Variants in CDK5RAP3 observed in about 807,000 individuals in gnomAD.
CDK5RAP3 encodes the protein CDK5 regulatory subunit-associated protein 3.
A neutral mutation model predicts 73.3 loss-of-function variants in CDK5RAP3; 58 were observed. The observed-to-expected ratio is 0.79, with a 90% confidence interval of 0.64 to 0.98. The LOEUF is 0.98. CDK5RAP3 is among the 50% of genes least tolerant of loss of function. The probability of loss-of-function intolerance (pLI) is 0.00; values close to 1 mark genes in which losing one functional copy is unlikely to be tolerated. For synonymous variants in CDK5RAP3, 224 were observed against 247.5 expected, an observed-to-expected ratio of 0.91 and a Z score of 0.89; for missense variants, 525 against 615.8, an observed-to-expected ratio of 0.85 and a Z score of 1.56.
upstream of CDK5RAP3, chr17:47,970,925 C>G (rs2144206615): frequency 2.8e-6 from 4 of 1,449,922 alleles, no homozygotes; most frequent in South Asian, 4.3e-5. Flanking sequence ...AATTGGCTGT[C>G]TCCATTCTCC....
At chr17:47,970,620 A>G (rs1179883444), upstream of CDK5RAP3, 2 of 1,527,866 alleles carry the variant, frequency 1.3e-6, no homozygotes, top group South Asian at 2.4e-5. Context: ...CAGGTGCTCA[A>G]CCATGTCTAT....
chr17:47,971,338 C>T (rs777306417), intron 1 of CDK5RAP3, 24 bp from the exon 2 acceptor site: 5 of 1,607,532 alleles, frequency 3.1e-6, no homozygotes, highest in Non-Finnish European at 4.2e-6. Flanking sequence ...CTCACGCCCC[C>T]CTCCTCACCG....
chr17:47,976,686 A>G, intron 8 of CDK5RAP3, 26 bp from the exon 9 acceptor site: 1 of 1,499,850 alleles, frequency 6.7e-7, no homozygotes, highest in Non-Finnish European at 9.3e-7. Context: ...ATCTTCCATG[A>G]GCTAACACTC....
intron 2 of CDK5RAP3, among the ~76,000 whole-genome samples, chr17:47,971,983 G>A (rs945213607): frequency 2.0e-5 from 3 of 151,348 alleles, no homozygotes; most frequent in East Asian, 1.9e-4. Context: ...CAACGAGAGC[G>A]AAACTCCATC....
chr17:47,980,866 T>C (rs151262799), intron 12 of CDK5RAP3, 68 bp downstream of exon 12: 1 of 1,500,488 alleles, frequency 6.7e-7, no homozygotes, highest in East Asian at 2.3e-5. Context: ...TTCCTCCTCT[T>C]GTTCCATGAC....
chr17:47,973,181 G>C (rs1042650598), intron 2 of CDK5RAP3, among the ~76,000 whole-genome samples: 1 of 152,186 alleles, frequency 6.6e-6, no homozygotes, highest in Admixed American at 6.5e-5. Context: ...CCTCTTGTCA[G>C]GAAGAAAGAT....
chr17:47,976,702 C>G lies in CDK5RAP3; in HGVS notation c.799-10C>G. 1 of 1,583,644 alleles carries G rather than the reference C, an allele frequency of 6.3e-7. No homozygotes were observed. The highest frequency in any genetic ancestry group is 8.7e-7 in the Non-Finnish European group (1 of 1,153,960). ...TCTTCCATGAGCTAACACTCTCTTT[C>G]CCTTTCCAGATTGACTGGGGCGACT... On this transcript the variant is annotated splice_polypyrimidine_tract_variant and intron_variant, in intron 8 of 13. Coordinates refer to ENST00000338399, the MANE Select transcript of CDK5RAP3 (RefSeq NM_176096.3).
At position 47,975,777 on chromosome 17, in the gene CDK5RAP3, G is replaced by A. The variant is rs528434790; in HGVS notation, c.654-92G>A. 12 of 1,595,270 alleles carry A rather than the reference G, an allele frequency of 7.5e-6. No individual in the cohort carries two copies. In the African/African-American group the frequency reaches 1.2e-4, roughly 16 times the overall value. ...TCTTTACACACCTGAACCTGTGGGG[G>A]CCTTGCCCATTTGACCATGTGGCCC... On this transcript the variant is annotated intron_variant, in intron 7 of 13. Coordinates refer to ENST00000338399, the MANE Select transcript of CDK5RAP3 (RefSeq NM_176096.3).
upstream of CDK5RAP3, chr17:47,970,874 A>G: frequency 1.4e-6 from 2 of 1,419,350 alleles, no homozygotes; most frequent in Non-Finnish European, 1.9e-6. Flanking sequence ...GCTGCAGCGC[A>G]CCCCCTCCCG....
In CDK5RAP3 at chr17:47,981,428, C is replaced by G. The variant is rs1028963146; in HGVS notation, c.1456-9C>G. On this transcript the variant is annotated splice_polypyrimidine_tract_variant and intron_variant, in intron 13 of 13. Coordinates refer to ENST00000338399, the MANE Select transcript of CDK5RAP3 (RefSeq NM_176096.3). ...CCCTGCTTCTGCCCACTTGGTATCA[C>G]TCTTTCAGATTGAAGCTGACATCTC... The G allele has an allele frequency of 1.3e-5, 21 of 1,614,136 alleles. No homozygotes were observed. Among genetic ancestry groups the G allele is most frequent in the Non-Finnish European group, 1.6e-5 (19 of 1,180,046 alleles).
chr17:47,974,735 G>C (rs1371132417), intron 5 of CDK5RAP3: 1 of 1,327,024 alleles, frequency 7.5e-7, no homozygotes, highest in Non-Finnish European at 9.7e-7. Flanking sequence ...GCGGGAGTGT[G>C]CTGCCCCCAC....
chr17:47,981,153 C>T lies in CDK5RAP3; in HGVS notation c.1284-10C>T, dbSNP rs368135655. 1 of 1,611,376 alleles carries T rather than the reference C, an allele frequency of 6.2e-7. No homozygotes were observed. The highest frequency in any genetic ancestry group is 1.3e-5 in the African/African-American group (1 of 74,902). On this transcript the variant is annotated splice_polypyrimidine_tract_variant and intron_variant, in intron 12 of 13. Coordinates refer to ENST00000338399, the MANE Select transcript of CDK5RAP3 (RefSeq NM_176096.3). ...AGCTAACCCAGCACTCACCTGAGTGCCCCGCACAGGTATGTGGACCGAGTG... is the reference window on the plus strand; with the variant it reads ...AGCTAACCCAGCACTCACCTGAGTGTCCCGCACAGGTATGTGGACCGAGTG...
upstream of CDK5RAP3, chr17:47,970,740 C>G: frequency 6.5e-7 from 1 of 1,533,234 alleles, no homozygotes; most frequent in Non-Finnish European, 8.7e-7. Context: ...GCAACGGCCT[C>G]CCAGATCGGC....
rs200963209 is a variant in CDK5RAP3 at position 47,975,913 on chromosome 17, G to A, written c.698G>A (p.Arg233Gln). Residue 233 changes from arginine (R) to glutamine (Q), a missense_variant, in exon 8 of 14, where the codon CGG becomes CAG. Physicochemically the swap from Arg to Gln is conservative, Grantham distance 43. Transcript: ENST00000338399. ...VLPMLRFVQKRGNSTVYEWRT... is the reference protein window; with the variant it reads ...VLPMLRFVQKQGNSTVYEWRT... ...CCAATGCTGCGGTTCGTGCAGAAGC[G>A]GGGAAACTCAACGGTGTACGAGTGG... The A allele has an allele frequency of 9.5e-5, 153 of 1,614,210 alleles. No homozygotes were observed. The highest frequency in any genetic ancestry group is 2.5e-4 in the African/African-American group (19 of 75,046).
intron 1 of CDK5RAP3, 66 bp downstream of exon 1, chr17:47,971,218 C>T (rs1003348556): frequency 2.6e-5 from 40 of 1,527,980 alleles, no homozygotes; most frequent in Non-Finnish European, 3.2e-5. Flanking sequence ...TCTCCGGTCT[C>T]CCTCCGGAAG....
rs1567727938 is a variant in CDK5RAP3 at position 47,980,735 on chromosome 17, ATC to A, written c.1222_1223del (p.Leu408AspfsTer27). On this transcript the variant is annotated frameshift_variant, in exon 12 of 14. Coordinates refer to ENST00000338399, the MANE Select transcript of CDK5RAP3 (RefSeq NM_176096.3). LOFTEE classifies it high-confidence loss of function. ...GTTACCATGGTGTCAGTGCTGGAGG[ATC>A]TGATTGGCAAGCTTACCAGTCTTCA... 1.9e-6 allele frequency: 3 copies of A among 1,614,160 alleles called. No individual in the cohort carries two copies. In the Admixed American group the frequency reaches 5.0e-5, roughly 27 times the overall value.
chr17:47,976,675 C>T (rs773784119), intron 8 of CDK5RAP3, 37 bp from the exon 9 acceptor site: 2 of 1,438,152 alleles, frequency 1.4e-6, no homozygotes, highest in Non-Finnish European at 2.0e-6. Context: ...TTTTTAAATC[C>T]ATCTTCCATG....
Position 47,975,562 on chromosome 17 carries a change from A to T in CDK5RAP3, c.562A>T (p.Ser188Cys). Reference sequence around the variant, plus strand: ...GCTGGCCCTGGTGAAGGACCTGCCGAGTCAGCTGGCTGAGATTGGGGCAGC... The same window carrying T: ...GCTGGCCCTGGTGAAGGACCTGCCGTGTCAGCTGGCTGAGATTGGGGCAGC... ...ELLALVKDLP[S>C]QLAEIGAAAQ... Residue 188 changes from serine to cysteine, a missense_variant, in exon 7 of 14, where the codon AGT becomes TGT. Around this residue, in one of 2 missense-constraint regions of CDK5RAP3, gnomAD observed 409 missense variants for 429.8 expected, o/e 0.95. Coordinates refer to ENST00000338399, the MANE Select transcript of CDK5RAP3 (RefSeq NM_176096.3). 6.2e-7 allele frequency: 1 copy of T among 1,611,160 alleles called. No individual in the cohort carries two copies. Among genetic ancestry groups the T allele is most frequent in the Non-Finnish European group, 8.5e-7 (1 of 1,180,012 alleles).
In CDK5RAP3 at chr17:47,981,283, G is replaced by T. The variant is rs2036548165; in HGVS notation, c.1404G>T (p.Leu468=). 1 of 1,614,102 alleles carries T rather than the reference G, an allele frequency of 6.2e-7. No individual in the cohort carries two copies. Among genetic ancestry groups the T allele is most frequent in the Non-Finnish European group, 8.5e-7 (1 of 1,180,032 alleles). ...QQEALEEQAA[L]EPKLDLLLEK... is the part of the protein sequence containing the mutation. ...AGGCACTTGAGGAGCAGGCGGCTCT[G>T]GAGCCTAAGCTGGACCTGCTACTGG... Residue 468 remains leucine (L), a synonymous_variant, in exon 13 of 14, where the codon CTG becomes CTT. Coordinates refer to ENST00000338399, the MANE Select transcript of CDK5RAP3 (RefSeq NM_176096.3).
Sources: gnomAD v4.1 joint callset for allele counts (sites outside exome capture counted in the v4.1 genomes callset) on GRCh38, gnomAD v4.1.1 for gene constraint, gnomAD v4.1.1 regional missense constraint, MANE v1.5 for transcripts, NCBI Gene and HGNC (gene_info 2026-07-23, HGNC 2026-07-21) for gene names.